HS3ST4: variants seen among roughly 807,000 people sequenced by gnomAD.
The protein encoded by HS3ST4 is heparan sulfate glucosamine 3-O-sulfotransferase 4.
A neutral mutation model predicts 29.2 loss-of-function variants in HS3ST4; 17 were observed. That is an observed-to-expected ratio of 0.58 (90% CI 0.40 to 0.87). HS3ST4 has a LOEUF of 0.87. Ranked by LOEUF, HS3ST4 falls within the 40% of genes least tolerant of loss-of-function variation. The probability of loss-of-function intolerance (pLI) is 0.00; values close to 1 mark genes in which losing one functional copy is unlikely to be tolerated. For missense variants in HS3ST4, 627 were observed against 634.5 expected (o/e 0.99, Z 0.13); for synonymous variants, 314 against 285.7 (o/e 1.10, Z -1.00).
At chr16:26,091,398 G>A (rs765697510) in intron 1 of HS3ST4, among the ~76,000 whole-genome samples, 7 of 152,154 alleles carry the variant, frequency 4.6e-5, no homozygotes, top group Admixed American at 6.5e-5. Context: ...AGTATAAATC[G>A]TGCCCAATCA....
intron 1 of HS3ST4, among the ~76,000 whole-genome samples, chr16:25,818,590 AC>A (rs1214997015): frequency 7.9e-5 from 12 of 152,354 alleles, no homozygotes; most frequent in African/African-American, 2.9e-4. Context: ...CAAGGAGAGA[AC>A]ATACTTATTT....
chr16:25,928,325 A>G (rs1013116944), intron 1 of HS3ST4, among the ~76,000 whole-genome samples: 1 of 152,070 alleles, frequency 6.6e-6, no homozygotes, highest in Non-Finnish European at 1.5e-5. Flanking sequence ...TGATTGCACC[A>G]TTGCACTCCA....
intron 1 of HS3ST4, among the ~76,000 whole-genome samples, chr16:25,766,717 A>G (rs72778955): frequency 0.053 from 8,101 of 152,248 alleles, 285 homozygotes; most frequent in Non-Finnish European, 0.085. Context: ...TAAAGCTTAC[A>G]TTTTTTGGAT....
At chr16:25,746,457 A>T (rs188859754) in intron 1 of HS3ST4, among the ~76,000 whole-genome samples, 1 of 152,148 alleles carries the variant, frequency 6.6e-6, no homozygotes, top group Admixed American at 6.6e-5. Context: ...TTGGAGAGGA[A>T]GAAAGAGTTA....
intron 1 of HS3ST4, among the ~76,000 whole-genome samples, chr16:25,794,493 C>A (rs1467423471): frequency 6.6e-6 from 1 of 150,474 alleles, no homozygotes; most frequent in Admixed American, 6.6e-5. Flanking sequence ...AAAATGTTTT[C>A]TCTGATTATA....
At chr16:25,706,504 G>A (rs1026517012) in intron 1 of HS3ST4, among the ~76,000 whole-genome samples, 1 of 152,080 alleles carries the variant, frequency 6.6e-6, no homozygotes, top group African/African-American at 2.4e-5. Context: ...CATGCATTAG[G>A]TATTTGTCCT....
rs759316894 is a variant in HS3ST4, at chr16:26,046,727, A to ATG, written c.735-88873_735-88872dup. ...TGTATATATGTGTATATATATATAT[A>ATG]TGTGTGTGTGTGTATGTGTGTAAAC... On this transcript the variant is annotated intron_variant, in intron 1 of 1. Transcript: ENST00000331351. 1.4e-4 allele frequency among the ~76,000 whole-genome samples: 21 copies of ATG among 151,508 alleles called. 1 individual carries two copies. The highest frequency in any genetic ancestry group is 7.8e-4 in the East Asian group (4 of 5,122).
At chr16:25,914,130 G>C (rs1968268410) in intron 1 of HS3ST4, among the ~76,000 whole-genome samples, 1 of 150,088 alleles carries the variant, frequency 6.7e-6, no homozygotes, top group African/African-American at 2.5e-5. Flanking sequence ...GTATATGTGT[G>C]TGGTGTTTGT....
At chr16:26,117,632 C>A (rs985522804) in intron 1 of HS3ST4, among the ~76,000 whole-genome samples, 2 of 152,188 alleles carry the variant, frequency 1.3e-5, no homozygotes, top group Non-Finnish European at 2.9e-5. Context: ...CAGCCTCAGC[C>A]TTTACTGCCT....
At position 26,055,685 on chromosome 16, in the gene HS3ST4, G is replaced by A. The variant is rs1311478718; in HGVS notation, c.735-79927G>A. Among the ~76,000 whole-genome samples the A allele has an allele frequency of 2.0e-5, 3 of 152,240 alleles. No homozygotes were observed. In the East Asian group the frequency reaches 5.8e-4, roughly 29 times the overall value. On this transcript the variant is annotated intron_variant, in intron 1 of 1. Coordinates refer to ENST00000331351, the MANE Select transcript of HS3ST4 (RefSeq NM_006040.3). ...CTGTAAACCTAGTCACTATCCCCTG[G>A]CTAAATGTCTTCCACTCTGTAGAAC...
chr16:25,882,795 C>G (rs904207240), intron 1 of HS3ST4, among the ~76,000 whole-genome samples: 2 of 152,134 alleles, frequency 1.3e-5, no homozygotes, highest in South Asian at 4.1e-4. Flanking sequence ...ACTGTCTTCA[C>G]CAGATGCCCA....
chr16:25,794,973 C>CTT lies in HS3ST4; in HGVS notation c.734+101836_734+101837dup, dbSNP rs58579462. On this transcript the variant is annotated intron_variant, in intron 1 of 1. Transcript: ENST00000331351. ...CATAATTTTCATCTTTTTTTCTTTA[C>CTT]TTTTTTTTTTTTTTTGGTGATGCAG... Among the ~76,000 whole-genome samples the CTT allele has an allele frequency of 3.5e-4, 44 of 126,118 alleles. 3 individuals are homozygous for CTT. Among genetic ancestry groups the CTT allele is most frequent in the Non-Finnish European group, 6.0e-4 (35 of 58,696 alleles). The allele number at this position is 126,118 out of a possible 152,430, so 82.7% of individuals were successfully genotyped here.
At chr16:25,954,915 G>A (rs143942371) in intron 1 of HS3ST4, among the ~76,000 whole-genome samples, 3 of 152,246 alleles carry the variant, frequency 2.0e-5, no homozygotes, top group Admixed American at 2.0e-4. Flanking sequence ...AGCCTGGGAT[G>A]AGAGAGACCA....
At chr16:25,915,779 G>T (rs1486965710) in intron 1 of HS3ST4, among the ~76,000 whole-genome samples, 1 of 152,194 alleles carries the variant, frequency 6.6e-6, no homozygotes, top group Admixed American at 6.5e-5. Flanking sequence ...AGACAGGGTG[G>T]CAGTACAGCA....
intron 1 of HS3ST4, among the ~76,000 whole-genome samples, chr16:25,851,856 A>G (rs1967525330): frequency 1.1e-5 from 1 of 89,728 alleles, no homozygotes. Flanking sequence ...TTTTCATGAG[A>G]AACGCCTAAC....
chr16:25,862,808 G>T (rs561208954), intron 1 of HS3ST4, among the ~76,000 whole-genome samples: 4 of 152,162 alleles, frequency 2.6e-5, no homozygotes, highest in Admixed American at 2.6e-4. Flanking sequence ...TGAAAATGTC[G>T]CATCATTGGT....
At chr16:25,756,970 C>G (rs1214610357) in intron 1 of HS3ST4, among the ~76,000 whole-genome samples, 1 of 152,138 alleles carries the variant, frequency 6.6e-6, no homozygotes, top group Non-Finnish European at 1.5e-5. Context: ...TTTAATATGA[C>G]CAAGAGCAAC....
chr16:25,857,923 T>TTC (rs1567257099), intron 1 of HS3ST4, among the ~76,000 whole-genome samples: 47 of 27,456 alleles, frequency 1.7e-3, no homozygotes, highest in Admixed American at 3.2e-3. Context: ...TTCCTTCCTT[T>TTC]CTTTCTTTCT....
At chr16:26,129,942 A>G (rs894066228) in intron 1 of HS3ST4, among the ~76,000 whole-genome samples, 1 of 152,162 alleles carries the variant, frequency 6.6e-6, no homozygotes, top group African/African-American at 2.4e-5. Flanking sequence ...ACCTGCATTC[A>G]AAAGTGGCTG....
Sources: allele counts gnomAD v4.1 joint callset (sites outside exome capture counted in the v4.1 genomes callset), GRCh38; gene constraint gnomAD v4.1.1; transcripts MANE v1.5; gene names NCBI Gene and HGNC (gene_info 2026-07-23, HGNC 2026-07-21).